Variants in KCNH8 observed in about 807,000 individuals in gnomAD.
KCNH8 encodes the protein voltage-gated delayed rectifier potassium channel KCNH8.
Under a neutral mutation model 103.6 loss-of-function variants are expected in KCNH8, and 70 were observed. The ratio of observed to expected loss-of-function variants is 0.68; its 90% CI spans 0.56 to 0.82. KCNH8 has a LOEUF of 0.82. KCNH8 is among the 40% of genes least tolerant of loss of function. KCNH8 has a pLI of 0.00. For missense variants in KCNH8, 1,217 were observed against 1,329.9 expected (o/e 0.92, Z 1.32); for synonymous variants, 498 against 489.4 (o/e 1.02, Z -0.23).
intron 12 of KCNH8, 150 bp downstream of exon 12, chr3:19,510,551 T>G: frequency 1.5e-6 from 1 of 647,400 alleles, no homozygotes; most frequent in Non-Finnish European, 2.8e-6. Context: ...CTGACTTGCT[T>G]GAGTTTGAGT....
At chr3:19,355,727 C>T (rs556741074) in intron 5 of KCNH8, among the ~76,000 whole-genome samples, 1 of 152,120 alleles carries the variant, frequency 6.6e-6, no homozygotes, top group East Asian at 1.9e-4. Flanking sequence ...ACACCAGGGC[C>T]TGTCGTGCAG....
At position 19,352,215 on chromosome 3, in the gene KCNH8, G is replaced by GC. The variant is rs569670878; in HGVS notation, c.811+4251dup. On this transcript the variant is annotated intron_variant, in intron 5 of 15. Coordinates refer to ENST00000328405, the MANE Select transcript of KCNH8 (RefSeq NM_144633.3). ...AAACATATATGCACACAATACATGA[G>GC]CATCCAGATTCACAAAGCAAGTCCT... 1.3e-3 allele frequency among the ~76,000 whole-genome samples: 202 copies of GC among 152,260 alleles called. 1 individual carries two copies. Among genetic ancestry groups the GC allele is most frequent in the African/African-American group, 4.7e-3 (194 of 41,556 alleles).
At chr3:19,306,153 G>T (rs1243989552) in intron 3 of KCNH8, among the ~76,000 whole-genome samples, 1 of 151,986 alleles carries the variant, frequency 6.6e-6, no homozygotes, top group Non-Finnish European at 1.5e-5. Context: ...AAAGAAAAAT[G>T]TTCAGGTCAA....
intron 7 of KCNH8, among the ~76,000 whole-genome samples, chr3:19,415,126 A>G (rs533809456): frequency 1.3e-5 from 2 of 151,988 alleles, no homozygotes; most frequent in East Asian, 1.9e-4. Context: ...ATTAACTTCT[A>G]TGTGAATAAT....
intron 3 of KCNH8, among the ~76,000 whole-genome samples, chr3:19,283,354 G>T (rs543794457): frequency 6.6e-6 from 1 of 152,120 alleles, no homozygotes; most frequent in South Asian, 2.1e-4. Context: ...TTTGCTTAGG[G>T]AACATGTACA....
chr3:19,184,039 T>G (rs1255958170), intron 1 of KCNH8, among the ~76,000 whole-genome samples: 2 of 152,094 alleles, frequency 1.3e-5, no homozygotes, highest in African/African-American at 2.4e-5. Flanking sequence ...ACAGTAAACT[T>G]GAACATAAGC....
chr3:19,485,541 T>C (rs945849917), intron 11 of KCNH8, among the ~76,000 whole-genome samples: 1 of 152,220 alleles, frequency 6.6e-6, no homozygotes, highest in African/African-American at 2.4e-5. Context: ...GCACGGCCAA[T>C]ACGATTGTGG....
chr3:19,400,215 A>T (rs1446832391), intron 7 of KCNH8, among the ~76,000 whole-genome samples: 3 of 135,030 alleles, frequency 2.2e-5, no homozygotes, highest in Non-Finnish European at 4.6e-5. Context: ...CCCCTACCAG[A>T]TACGATGTTA....
Position 19,320,584 on chromosome 3 carries a change from AT to A in KCNH8, c.443-21995del, listed in dbSNP as rs200753266. Among the ~76,000 whole-genome samples, 5 of 151,468 alleles carry A rather than the reference AT, an allele frequency of 3.3e-5. No individual in the cohort carries two copies. In the East Asian group the frequency reaches 7.8e-4, roughly 24 times the overall value. ...ATGCTGTTGGGTTTGGGTCACTAGTATTTTTTTTGAGAATTTTTGCATCTGT... is the reference window on the plus strand; with the variant it reads ...ATGCTGTTGGGTTTGGGTCACTAGTATTTTTTTGAGAATTTTTGCATCTGT... On this transcript the variant is annotated intron_variant, in intron 3 of 15. Transcript: ENST00000328405.
chr3:19,320,265 T>C (rs2065332064), intron 3 of KCNH8, among the ~76,000 whole-genome samples: 1 of 152,108 alleles, frequency 6.6e-6, no homozygotes, highest in South Asian at 2.1e-4. Context: ...TTTCAACTTT[T>C]ACACTTTCAG....
intron 1 of KCNH8, among the ~76,000 whole-genome samples, chr3:19,182,532 C>T (rs968715337): frequency 6.6e-6 from 1 of 152,038 alleles, no homozygotes; most frequent in Non-Finnish European, 1.5e-5. Context: ...CTCCGTCCCC[C>T]CAAGAAAAGA....
chr3:19,300,626 G>A (rs367901579), intron 3 of KCNH8, among the ~76,000 whole-genome samples: 52 of 152,204 alleles, frequency 3.4e-4, no homozygotes, highest in Non-Finnish European at 6.2e-4. Flanking sequence ...ATTTAAGAGC[G>A]GAGATTACAT....
chr3:19,206,159 G>GGTGTGTGTGTGTGT (rs546354220), intron 1 of KCNH8, among the ~76,000 whole-genome samples: 9 of 138,396 alleles, frequency 6.5e-5, no homozygotes, highest in African/African-American at 2.5e-4. Context: ...ATATATTAAT[G>GGTGTGTGTGTGTGT]GTGTGTGTGT....
intron 11 of KCNH8, among the ~76,000 whole-genome samples, chr3:19,474,928 G>C (rs111770730): frequency 1.3e-5 from 2 of 152,096 alleles, no homozygotes; most frequent in Non-Finnish European, 2.9e-5. Context: ...ATCATATATA[G>C]AGAACAACGA....
chr3:19,259,030 A>G lies in KCNH8; in HGVS notation c.310+5143A>G, dbSNP rs1264774603. On this transcript the variant is annotated intron_variant, in intron 2 of 15. Transcript: ENST00000328405. Reference sequence around the variant, plus strand: ...GGCAAGTTTTGTTATGATGATTTTTATTTCTAAATAGTAAAAAAGGAAATA... The same window carrying G: ...GGCAAGTTTTGTTATGATGATTTTTGTTTCTAAATAGTAAAAAAGGAAATA... Among the ~76,000 whole-genome samples the G allele has an allele frequency of 2.3e-5, 3 of 133,068 alleles. No homozygotes were observed. The East Asian group carries it at 6.6e-4, about 29-fold the overall frequency. The allele number at this position is 133,068 out of a possible 152,430, so 87.3% of individuals were successfully genotyped here.
chr3:19,329,812 CACA>C (rs2065480140), intron 3 of KCNH8, among the ~76,000 whole-genome samples: 1 of 152,040 alleles, frequency 6.6e-6, no homozygotes, highest in Non-Finnish European at 1.5e-5. Flanking sequence ...TGCATTCTGG[CACA>C]ACAAGATCAA....
chr3:19,294,003 A>G (rs2064963742), intron 3 of KCNH8, among the ~76,000 whole-genome samples: 1 of 152,084 alleles, frequency 6.6e-6, no homozygotes, highest in Non-Finnish European at 1.5e-5. Context: ...CATTCTGAAA[A>G]CTGTATTGTT....
rs75673080 is a variant in KCNH8 at position 19,174,246 on chromosome 3, C to T, written c.76+25451C>T. Among the ~76,000 whole-genome samples, 141 of 152,194 alleles carry T rather than the reference C, an allele frequency of 9.3e-4. 1 individual carries two copies. Among genetic ancestry groups the T allele is most frequent in the African/African-American group, 3.3e-3 (135 of 41,532 alleles). Reference sequence around the variant, plus strand: ...AATGTTCTGGCACCTCTACTTCTTGCATTAGCTCCAGGCCTTAGAAAGCAA... The same window carrying T: ...AATGTTCTGGCACCTCTACTTCTTGTATTAGCTCCAGGCCTTAGAAAGCAA... On this transcript the variant is annotated intron_variant, in intron 1 of 15. Coordinates refer to ENST00000328405, the MANE Select transcript of KCNH8 (RefSeq NM_144633.3).
At chr3:19,232,533 A>C (rs1420860647) in intron 1 of KCNH8, among the ~76,000 whole-genome samples, 1 of 152,252 alleles carries the variant, frequency 6.6e-6, no homozygotes, top group Non-Finnish European at 1.5e-5. Context: ...GAATTAGCCT[A>C]TAGGATGCTT....
Sources: gnomAD v4.1 joint callset for allele counts (sites outside exome capture counted in the v4.1 genomes callset) on GRCh38, gnomAD v4.1.1 for gene constraint, MANE v1.5 for transcripts, NCBI Gene and HGNC (gene_info 2026-07-23, HGNC 2026-07-21) for gene names.